ADAMTS12: variants seen among roughly 807,000 people sequenced by gnomAD.
ADAMTS12 encodes A disintegrin and metalloproteinase with thrombospondin motifs 12.
Under a neutral mutation model 167.8 loss-of-function variants are expected in ADAMTS12, and 118 were observed. That is an observed-to-expected ratio of 0.70 (90% CI 0.61 to 0.82). ADAMTS12 has a LOEUF of 0.82. ADAMTS12 is among the 40% of genes least tolerant of loss of function. The pLI, the probability that ADAMTS12 is intolerant of heterozygous loss-of-function variation, is 0.00. For synonymous variants in ADAMTS12, 704 were observed against 716.9 expected, an observed-to-expected ratio of 0.98 and a Z score of 0.29; for missense variants, 1,916 against 1,998.8, an observed-to-expected ratio of 0.96 and a Z score of 0.79.
intron 2 of ADAMTS12, among the ~76,000 whole-genome samples, chr5:33,798,526 C>T (rs1487050056): frequency 6.6e-5 from 10 of 150,796 alleles, no homozygotes; most frequent in South Asian, 6.3e-4. Context: ...CTGCAATCTC[C>T]GCCTCCCGGG....
intron 14 of ADAMTS12, 30 bp from the exon 15 acceptor site, chr5:33,616,102 G>A (rs774517761): frequency 5.7e-5 from 91 of 1,609,348 alleles, no homozygotes; most frequent in Admixed American, 1.3e-4. Flanking sequence ...TCATGAAAGA[G>A]GCACGCCAGC....
At chr5:33,589,630 G>A (rs58650699) in intron 17 of ADAMTS12, among the ~76,000 whole-genome samples, 6,833 of 152,076 alleles carry the variant, frequency 0.045, 479 homozygotes, top group African/African-American at 0.15. Flanking sequence ...CCCCAACACC[G>A]AAGACAGATT....
At chr5:33,538,211 G>T (rs1561109161) in intron 22 of ADAMTS12, among the ~76,000 whole-genome samples, 1 of 152,216 alleles carries the variant, frequency 6.6e-6, no homozygotes, top group Admixed American at 6.5e-5. Context: ...CATGGTGGAA[G>T]GGAAGAGGCA....
Position 33,577,039 on chromosome 5 carries a change from C to T in ADAMTS12, c.2987G>A (p.Cys996Tyr). ...TTTCAGAACTCTCCGGCTAGAAGGG[C>T]ATTGCTGGAGGCCACACAGAGCTCG... ...NSRALCGLQQ[C>Y]PSSRRVLKPN... is the part of the protein sequence containing the mutation. The change falls in exon 19 of 24, where the codon TGC (cysteine) becomes TAC (tyrosine). Residue 996 changes from cysteine (C) to tyrosine (Y), a missense_variant. Transcript: ENST00000504830. The T allele has an allele frequency of 1.9e-6, 3 of 1,614,200 alleles. No homozygotes were observed. Among genetic ancestry groups the T allele is most frequent in the Non-Finnish European group, 1.7e-6 (2 of 1,180,034 alleles).
intron 3 of ADAMTS12, among the ~76,000 whole-genome samples, chr5:33,743,072 T>C (rs1433272760): frequency 1.3e-5 from 2 of 152,148 alleles, no homozygotes; most frequent in Admixed American, 6.5e-5. Context: ...GGGTGAGCCA[T>C]AAAGAAATTT....
chr5:33,848,522 T>A (rs1246306114), intron 2 of ADAMTS12, among the ~76,000 whole-genome samples: 1 of 152,232 alleles, frequency 6.6e-6, no homozygotes, highest in Non-Finnish European at 1.5e-5. Flanking sequence ...GTCTACATCA[T>A]GAGAAATGTT....
intron 2 of ADAMTS12, among the ~76,000 whole-genome samples, chr5:33,839,684 C>A (rs1261272706): frequency 6.6e-6 from 1 of 152,210 alleles, no homozygotes; most frequent in Non-Finnish European, 1.5e-5. Context: ...CTTTAAAACT[C>A]CTCCCACAAC....
intron 3 of ADAMTS12, among the ~76,000 whole-genome samples, chr5:33,737,939 A>C (rs565791896): frequency 6.6e-6 from 1 of 152,282 alleles, no homozygotes; most frequent in South Asian, 2.1e-4. Flanking sequence ...TAGAAACAAG[A>C]AGTAACAGTA....
intron 2 of ADAMTS12, among the ~76,000 whole-genome samples, chr5:33,864,316 A>G (rs1749728425): frequency 6.6e-6 from 1 of 152,226 alleles, no homozygotes. Context: ...TAGAATGGCC[A>G]TCATTAAAAA....
intron 2 of ADAMTS12, among the ~76,000 whole-genome samples, chr5:33,826,622 C>G (rs1349031349): frequency 6.6e-6 from 1 of 150,766 alleles, no homozygotes; most frequent in Admixed American, 6.6e-5. Flanking sequence ...GAGTTTAATT[C>G]TTTGAAAACA....
In ADAMTS12 at chr5:33,525,434, GGA is replaced by G. The variant is rs1491172331; in HGVS notation, c.*1752_*1753del. 1 of 151,824 alleles carries G rather than the reference GGA, an allele frequency of 6.6e-6. No homozygotes were observed. Among genetic ancestry groups the G allele is most frequent in the African/African-American group, 2.4e-5 (1 of 41,294 alleles). The allele number at this position is 151,824 out of a possible 1,614,324, so 9.4% of individuals were successfully genotyped here. ...TGAGAGTAATACACGTTAATGGCTT[GGA>G]AAAAAATAAAAAGCACATAATATTA... is the stretch of plus-strand genomic sequence containing the variant. On this transcript the variant is annotated 3_prime_UTR_variant, in exon 24 of 24. Transcript: ENST00000504830.
chr5:33,883,582 T>C (rs900582129), intron 1 of ADAMTS12, among the ~76,000 whole-genome samples: 1 of 151,998 alleles, frequency 6.6e-6, no homozygotes, highest in African/African-American at 2.4e-5. Flanking sequence ...AGAAATAAAA[T>C]AAGCTAATGC....
chr5:33,685,681 T>C (rs1742300180), intron 3 of ADAMTS12, among the ~76,000 whole-genome samples: 1 of 152,204 alleles, frequency 6.6e-6, no homozygotes, highest in Non-Finnish European at 1.5e-5. Flanking sequence ...AATCTAGGAT[T>C]ATGTAAACTT....
intron 2 of ADAMTS12, among the ~76,000 whole-genome samples, chr5:33,762,146 C>T (rs961283010): frequency 2.0e-5 from 3 of 151,536 alleles, no homozygotes; most frequent in Non-Finnish European, 2.9e-5. Context: ...GAGCCAAGAT[C>T]GTGCCACTGC....
intron 14 of ADAMTS12, among the ~76,000 whole-genome samples, chr5:33,618,617 G>A (rs559765199): frequency 1.3e-5 from 2 of 152,264 alleles, no homozygotes; most frequent in African/African-American, 4.8e-5. Context: ...GTCTGGTCCT[G>A]GTTCGGAAGC....
At chr5:33,852,291 A>T (rs780424490) in intron 2 of ADAMTS12, among the ~76,000 whole-genome samples, 1 of 152,198 alleles carries the variant, frequency 6.6e-6, no homozygotes, top group African/African-American at 2.4e-5. Context: ...AAAAGTTTTT[A>T]AAAAGGTTTT....
chr5:33,532,241 G>T (rs890330590), intron 23 of ADAMTS12, among the ~76,000 whole-genome samples: 1 of 152,086 alleles, frequency 6.6e-6, no homozygotes, highest in Non-Finnish European at 1.5e-5. Context: ...TTTCAATGTT[G>T]TTGACAAATA....
chr5:33,767,227 A>C (rs1745566583), intron 2 of ADAMTS12, among the ~76,000 whole-genome samples: 1 of 152,318 alleles, frequency 6.6e-6, no homozygotes, highest in South Asian at 2.1e-4. Flanking sequence ...AAATACAGGA[A>C]AGAAATACAT....
At chr5:33,584,022 G>A (rs1454665151) in intron 18 of ADAMTS12, among the ~76,000 whole-genome samples, 1 of 152,188 alleles carries the variant, frequency 6.6e-6, no homozygotes, top group Admixed American at 6.5e-5. Context: ...ACACTTTGCA[G>A]ATATTTGAGA....
Sources: allele counts gnomAD v4.1 joint callset (sites outside exome capture counted in the v4.1 genomes callset), GRCh38; gene constraint gnomAD v4.1.1; transcripts MANE v1.5; gene names NCBI Gene and HGNC (gene_info 2026-07-23, HGNC 2026-07-21).